The following WIPF2 variants were observed in gnomAD, a reference collection of about 807,000 sequenced individuals.
The protein encoded by WIPF2 is WAS/WASL-interacting protein family member 2.
Under a neutral mutation model 38.8 loss-of-function variants are expected in WIPF2, and 23 were observed. The ratio of observed to expected loss-of-function variants is 0.59; its 90% CI spans 0.43 to 0.84. The LOEUF (loss-of-function observed/expected upper bound fraction) is 0.84. WIPF2 is among the 40% of genes least tolerant of loss of function. The pLI is 0.00. For missense variants in WIPF2, 574 were observed against 580.5 expected (o/e 0.99, Z 0.11); for synonymous variants, 210 against 223.2 (o/e 0.94, Z 0.53).
chr17:40,256,477 C>T lies in WIPF2; in HGVS notation c.18C>T (p.Pro6=), dbSNP rs1358650996. MPIPP[P]PPPPPGPPPP... is the part of the protein sequence containing the mutation. ...GGGCAAGAATGCCAATTCCTCCTCC[C>T]CCGCCACCCCCACCTGGTCCTCCTC... The change falls in exon 2 of 8, where the codon CCC becomes CCT. Residue 6 remains proline, a synonymous_variant. Transcript: ENST00000323571. 6.2e-7 allele frequency: 1 copy of T among 1,608,490 alleles called. No homozygotes were observed. The highest frequency in any genetic ancestry group is 8.5e-7 in the Non-Finnish European group (1 of 1,177,880).
chr17:40,273,707 C>G (rs1254119655), intron 5 of WIPF2, 83 bp from the exon 6 acceptor site: 3 of 866,664 alleles, frequency 3.5e-6, no homozygotes, highest in Non-Finnish European at 5.8e-6. Flanking sequence ...GGGTGTGTTA[C>G]TCTTTTAGCT....
chr17:40,243,394 T>TA (rs796985950), intron 1 of WIPF2, among the ~76,000 whole-genome samples: 39 of 152,254 alleles, frequency 2.6e-4, no homozygotes, highest in African/African-American at 9.1e-4. Context: ...ATGTTTTTGT[T>TA]AAAAAAATAT....
In WIPF2 at chr17:40,262,584, G is replaced by T; in HGVS notation, c.256G>T (p.Gly86Cys). ...SGGAALQPKGGLFQGGVLKLR... is the reference protein window; with the variant it reads ...SGGAALQPKGCLFQGGVLKLR... ...AGGAGCTGCCCTGCAGCCCAAGGGA[G>T]GTCTCTTCCAAGGAGGAGTGCTGAA... The change falls in exon 4 of 8, where the codon GGT becomes TGT. Residue 86 changes from glycine to cysteine, a missense_variant. Transcript: ENST00000323571. The T allele has an allele frequency of 6.2e-7, 1 of 1,614,054 alleles. No individual in the cohort carries two copies. Among genetic ancestry groups the T allele is most frequent in the South Asian group, 1.1e-5 (1 of 91,068 alleles).
chr17:40,242,194 A>G lies in WIPF2; in HGVS notation c.-69-14197A>G, dbSNP rs371904449. On this transcript the variant is annotated intron_variant, in intron 1 of 7. Coordinates refer to ENST00000323571, the MANE Select transcript of WIPF2 (RefSeq NM_133264.5). Reference sequence around the variant, plus strand: ...GGAGTTTGAGACTGGCCTGAGCAACATAGTGAGATCCTGTCTTTGCAATCA... The same window carrying G: ...GGAGTTTGAGACTGGCCTGAGCAACGTAGTGAGATCCTGTCTTTGCAATCA... Among the ~76,000 whole-genome samples the G allele has an allele frequency of 3.0e-4, 45 of 152,272 alleles. 1 individual carries two copies. In the East Asian group the frequency reaches 6.2e-3, roughly 21 times the overall value.
intron 2 of WIPF2, among the ~76,000 whole-genome samples, chr17:40,256,970 A>G (rs1477728478): frequency 6.6e-6 from 1 of 152,110 alleles, no homozygotes; most frequent in Non-Finnish European, 1.5e-5. Flanking sequence ...TTTTTGAGAA[A>G]AGTGGTGAGG....
chr17:40,253,395 G>A (rs977940890), intron 1 of WIPF2, among the ~76,000 whole-genome samples: 1 of 152,128 alleles, frequency 6.6e-6, no homozygotes, highest in African/African-American at 2.4e-5. Flanking sequence ...AGCTTTCTTT[G>A]CTAATGCTGT....
In WIPF2 at chr17:40,280,622, G is replaced by A. The variant is rs1027139788; in HGVS notation, c.*2397G>A. 5 of 152,616 alleles carry A rather than the reference G, an allele frequency of 3.3e-5. No individual in the cohort carries two copies. The highest frequency in any genetic ancestry group is 1.2e-4 in the African/African-American group (5 of 41,454). The allele number at this position is 152,616 out of a possible 1,614,324, so 9.5% of individuals were successfully genotyped here. ...GTCTTCCCATTTATTTTTGAAATGG[G>A]AGTCGATGCCTTTTGTACGTTATCA... On this transcript the variant is annotated 3_prime_UTR_variant, in exon 8 of 8. Coordinates refer to ENST00000323571, the MANE Select transcript of WIPF2 (RefSeq NM_133264.5).
chr17:40,223,584 A>G (rs574290862), intron 1 of WIPF2, among the ~76,000 whole-genome samples: 15 of 148,564 alleles, frequency 1.0e-4, no homozygotes, highest in African/African-American at 2.5e-4. Context: ...TGTTGAAGAG[A>G]AAATTTTTTT....
At chr17:40,240,650 A>T (rs1219959861) in intron 1 of WIPF2, among the ~76,000 whole-genome samples, 2 of 150,948 alleles carry the variant, frequency 1.3e-5, no homozygotes, top group East Asian at 1.9e-4. Context: ...ATGTCTTTAT[A>T]AAAAAAAATC....
At chr17:40,272,004 C>T (rs1037708876) in intron 5 of WIPF2, among the ~76,000 whole-genome samples, 2 of 151,148 alleles carry the variant, frequency 1.3e-5, no homozygotes, top group African/African-American at 4.9e-5. Context: ...CAGATTCAGA[C>T]ATAGGTATGA....
Position 40,247,188 on chromosome 17 carries a change from A to T in WIPF2, c.-69-9203A>T, listed in dbSNP as rs543750271. 1.7e-3 allele frequency among the ~76,000 whole-genome samples: 251 copies of T among 147,452 alleles called. 3 individuals are homozygous for T. Among genetic ancestry groups the T allele is most frequent in the African/African-American group, 6.0e-3 (238 of 39,854 alleles). The stretch of plus-strand genomic sequence containing the variant: ...TAGGTGTATGAAATGTTCCTCGAAA[A>T]TTTAATTCTTATTTCAGGGTTTTTT... On this transcript the variant is annotated intron_variant, in intron 1 of 7. Transcript: ENST00000323571.
rs1027492144 is a variant in WIPF2 at position 40,222,587 on chromosome 17, T to TGTGTGTGTGTGTG, written c.-70+3095_-70+3096insGTGTGTGTGTGTG. ...TAGCCTTGCTCATGTGTGTGTGTGT[T>TGTGTGTGTGTGTG]TGTGTGTGTGTGTGTGTGTCTGCGT... On this transcript the variant is annotated intron_variant, in intron 1 of 7. Transcript: ENST00000323571. Among the ~76,000 whole-genome samples the TGTGTGTGTGTGTG allele has an allele frequency of 6.1e-3, 890 of 146,396 alleles. 6 individuals are homozygous for TGTGTGTGTGTGTG. The highest frequency in any genetic ancestry group is 6.7e-3 in the African/African-American group (263 of 39,328).
chr17:40,263,086 G>A (rs550673317), intron 4 of WIPF2, among the ~76,000 whole-genome samples: 15 of 152,142 alleles, frequency 9.9e-5, no homozygotes, highest in Non-Finnish European at 1.8e-4. Flanking sequence ...AAGGGGAGAT[G>A]TTGGTCAAAG....
chr17:40,241,544 A>AT (rs1219419168), intron 1 of WIPF2, among the ~76,000 whole-genome samples: 3 of 151,860 alleles, frequency 2.0e-5, no homozygotes, highest in Non-Finnish European at 2.9e-5. Flanking sequence ...GTGTGACTTC[A>AT]TTTTTTTTAG....
intron 1 of WIPF2, chr17:40,220,432 G>C (rs1319921606): frequency 6.7e-6 from 1 of 150,282 alleles, no homozygotes; most frequent in Non-Finnish European, 1.5e-5. Flanking sequence ...GTCTCACTCT[G>C]TCGCCCGGGC....
rs71152662 is a variant in WIPF2, at chr17:40,283,153, TAAAAAAAAAAAAA to T, written c.*4955_*4967del. 4.0e-3 allele frequency: 70 copies of T among 17,358 alleles called. No individual in the cohort carries two copies. The highest frequency in any genetic ancestry group is 8.6e-3 in the Admixed American group (8 of 926). 1.1% of individuals were successfully genotyped at this position (17,358 alleles called of 1,614,324 possible). A position where few individuals can be genotyped will look rare whatever the true frequency, so the allele number is the denominator to read the frequency against. On this transcript the variant is annotated 3_prime_UTR_variant, in exon 8 of 8. Coordinates refer to ENST00000323571, the MANE Select transcript of WIPF2 (RefSeq NM_133264.5). ...CTGAGCTGAGATCATGCCACTGCAC[TAAAAAAAAAAAAA>T]AAAAAAAAAAAAAAAAAAAAAAAAA...
intron 1 of WIPF2, among the ~76,000 whole-genome samples, chr17:40,233,778 A>G (rs2030844986): frequency 6.6e-6 from 1 of 151,826 alleles, no homozygotes; most frequent in Admixed American, 6.6e-5. Flanking sequence ...AAAATACAAA[A>G]TTGGGCCGGG....
At chr17:40,238,392 C>G (rs781729619) in intron 1 of WIPF2, among the ~76,000 whole-genome samples, 2 of 152,030 alleles carry the variant, frequency 1.3e-5, no homozygotes, top group African/African-American at 2.4e-5. Flanking sequence ...CAACATCTGC[C>G]TCCCCAGTTC....
intron 3 of WIPF2, 97 bp from the exon 4 acceptor site, chr17:40,262,428 A>G: frequency 1.1e-6 from 1 of 943,738 alleles, no homozygotes; most frequent in Non-Finnish European, 1.6e-6. Flanking sequence ...TTTGTTTGCA[A>G]GCGATAGCCC....
Sources: gnomAD v4.1 joint callset for allele counts (sites outside exome capture counted in the v4.1 genomes callset) on GRCh38, gnomAD v4.1.1 for gene constraint, MANE v1.5 for transcripts, NCBI Gene and HGNC (gene_info 2026-07-23, HGNC 2026-07-21) for gene names.